The following PALM2AKAP2 variants were observed in gnomAD, a reference collection of about 807,000 sequenced individuals.
PALM2AKAP2 encodes the protein PALM2-AKAP2 fusion protein.
Under a neutral mutation model 71.5 loss-of-function variants are expected in PALM2AKAP2, and 37 were observed. The ratio of observed to expected loss-of-function variants is 0.52; its 90% CI spans 0.40 to 0.68. The LOEUF (loss-of-function observed/expected upper bound fraction) is 0.68, where lower values mean the gene tolerates loss of function less well. Ranked by LOEUF, PALM2AKAP2 falls within the 30% of genes least tolerant of loss-of-function variation. The pLI is 0.00. For synonymous variants in PALM2AKAP2, 468 were observed against 478.8 expected, an observed-to-expected ratio of 0.98 and a Z score of 0.29; for missense variants, 1,224 against 1,191.8, an observed-to-expected ratio of 1.03 and a Z score of -0.40.
intron 1 of PALM2AKAP2, among the ~76,000 whole-genome samples, chr9:110,080,434 T>A (rs988392548): frequency 6.6e-5 from 10 of 152,082 alleles, no homozygotes; most frequent in African/African-American, 2.2e-4. Context: ...TTAATAGGAG[T>A]TGCCAATAAG....
chr9:109,646,050 A>T (rs1827148562), intron 1 of PALM2AKAP2, among the ~76,000 whole-genome samples: 1 of 152,226 alleles, frequency 6.6e-6, no homozygotes, highest in African/African-American at 2.4e-5. Context: ...AAACAAGAAA[A>T]GAGGGTACTA....
chr9:110,083,280 A>G (rs1834489333), intron 1 of PALM2AKAP2, among the ~76,000 whole-genome samples: 1 of 152,166 alleles, frequency 6.6e-6, no homozygotes, highest in Non-Finnish European at 1.5e-5. Flanking sequence ...ATCATATAGT[A>G]TTTGTCCTTC....
At chr9:110,015,584 C>G (rs114127749) in intron 6 of PALM2AKAP2, among the ~76,000 whole-genome samples, 1 of 152,018 alleles carries the variant, frequency 6.6e-6, no homozygotes, top group Non-Finnish European at 1.5e-5. Flanking sequence ...CCAGCCTAGG[C>G]AACAAGAGTG....
chr9:109,691,036 A>G (rs1318220720), intron 1 of PALM2AKAP2, among the ~76,000 whole-genome samples: 1 of 152,184 alleles, frequency 6.6e-6, no homozygotes, highest in Non-Finnish European at 1.5e-5. Context: ...GGGGAAGTTG[A>G]AGGGGCAGTG....
intron 1 of PALM2AKAP2, 91 bp from the exon 8 acceptor site, chr9:110,136,036 C>A: frequency 1.4e-6 from 2 of 1,440,516 alleles, no homozygotes; most frequent in Non-Finnish European, 1.8e-6. Context: ...TTTCCATTTT[C>A]CTTCCTCTTA....
upstream of PALM2AKAP2, chr9:110,048,559 G>A (rs1218117919): frequency 5.8e-4 from 469 of 805,220 alleles, 6 homozygotes; most frequent in Non-Finnish European, 3.9e-5. Context: ...GGTAGATGGG[G>A]AGGGGAGGGG....
At chr9:109,689,200 CTTTTTTTTTTT>C (rs200092612) in intron 1 of PALM2AKAP2, among the ~76,000 whole-genome samples, 21 of 134,146 alleles carry the variant, frequency 1.6e-4, no homozygotes, top group Non-Finnish European at 2.5e-4. Flanking sequence ...TTTTTCTTTT[CTTTTTTTTTTT>C]TTTTTTTTTT....
intron 7 of PALM2AKAP2, chr9:110,025,382 A>T: frequency 3.3e-5 from 28 of 838,566 alleles, no homozygotes; most frequent in Non-Finnish European, 5.0e-5. Flanking sequence ...TGGAAGATGG[A>T]GGTTCCGCCC....
intron 3 of PALM2AKAP2, among the ~76,000 whole-genome samples, chr9:109,882,029 G>A (rs185079865): frequency 4.6e-5 from 7 of 151,856 alleles, no homozygotes; most frequent in East Asian, 1.9e-4. Flanking sequence ...GACTACAGGC[G>A]TGCACCAACC....
chr9:109,990,094 C>T (rs1441855686), intron 6 of PALM2AKAP2, among the ~76,000 whole-genome samples: 2 of 134,946 alleles, frequency 1.5e-5, no homozygotes, highest in African/African-American at 2.8e-5. Context: ...TCTTTTGTGG[C>T]AGGGTCTCAC....
intron 1 of PALM2AKAP2, among the ~76,000 whole-genome samples, chr9:110,134,201 C>T (rs545313880): frequency 6.6e-6 from 1 of 151,844 alleles, no homozygotes; most frequent in South Asian, 2.1e-4. Context: ...ATCCCATGAG[C>T]TCAGGAGTTC....
chr9:109,906,400 T>C (rs1322944199), intron 3 of PALM2AKAP2, among the ~76,000 whole-genome samples: 1 of 152,210 alleles, frequency 6.6e-6, no homozygotes, highest in Non-Finnish European at 1.5e-5. Flanking sequence ...GGTTTCATCA[T>C]GTTGGCCAGG....
At chr9:109,841,471 A>T (rs1454166176) in intron 1 of PALM2AKAP2, among the ~76,000 whole-genome samples, 1 of 124,204 alleles carries the variant, frequency 8.1e-6, no homozygotes, top group Non-Finnish European at 1.6e-5. Context: ...CCTATGTAGC[A>T]AACCTGCACG....
At chr9:109,953,852 A>G (rs897119631) in intron 6 of PALM2AKAP2, among the ~76,000 whole-genome samples, 29 of 151,486 alleles carry the variant, frequency 1.9e-4, no homozygotes, top group African/African-American at 5.1e-4. Flanking sequence ...AAAAAAAAAA[A>G]AAAGAAAAGA....
intron 3 of PALM2AKAP2, among the ~76,000 whole-genome samples, chr9:109,905,240 T>C (rs999029114): frequency 6.6e-6 from 1 of 152,198 alleles, no homozygotes; most frequent in African/African-American, 2.4e-5. Context: ...ACTGGGACAG[T>C]GACCTACCCA....
chr9:109,644,209 CT>C (rs1467125574), intron 1 of PALM2AKAP2, among the ~76,000 whole-genome samples: 1 of 152,066 alleles, frequency 6.6e-6, no homozygotes, highest in African/African-American at 2.4e-5. Flanking sequence ...CTTTTTCTTT[CT>C]TTTTTCCCTT....
At chr9:109,692,440 T>C (rs1322604587) in intron 1 of PALM2AKAP2, among the ~76,000 whole-genome samples, 4 of 152,042 alleles carry the variant, frequency 2.6e-5, no homozygotes, top group Non-Finnish European at 5.9e-5. Context: ...CTTTTACTTC[T>C]TTACTTTGTA....
intron 1 of PALM2AKAP2, among the ~76,000 whole-genome samples, chr9:109,738,994 G>T (rs1406103836): frequency 2.6e-5 from 4 of 152,194 alleles, no homozygotes; most frequent in Non-Finnish European, 5.9e-5. Flanking sequence ...AAGTCCAATA[G>T]TATAATAATG....
intron 1 of PALM2AKAP2, among the ~76,000 whole-genome samples, chr9:110,059,904 A>T (rs1316330144): frequency 6.6e-6 from 1 of 152,234 alleles, no homozygotes; most frequent in African/African-American, 2.4e-5. Flanking sequence ...CTGGTCATCG[A>T]TTTTTAGTAC....
Sources: allele counts gnomAD v4.1 joint callset (sites outside exome capture counted in the v4.1 genomes callset), GRCh38; gene constraint gnomAD v4.1.1; transcripts MANE v1.5; gene names NCBI Gene and HGNC (gene_info 2026-07-23, HGNC 2026-07-21).